The following PTPRR variants were observed in gnomAD, a reference collection of about 807,000 sequenced individuals.
PTPRR encodes receptor-type tyrosine-protein phosphatase R.
A neutral mutation model predicts 77.2 loss-of-function variants in PTPRR; 38 were observed. The observed-to-expected ratio is 0.49, with a 90% CI of 0.38 to 0.65. The LOEUF is 0.65. Among genes scored for constraint, PTPRR ranks in the 30% least tolerant of loss-of-function variants. The pLI is 0.00. For synonymous variants in PTPRR, 299 were observed against 283.1 expected, an observed-to-expected ratio of 1.06 and a Z score of -0.57; for missense variants, 744 against 799.2, an observed-to-expected ratio of 0.93 and a Z score of 0.83.
chr12:70,826,222 G>C (rs886739962), intron 2 of PTPRR, among the ~76,000 whole-genome samples: 1 of 152,100 alleles, frequency 6.6e-6, no homozygotes, highest in Non-Finnish European at 1.5e-5. Context: ...CTGAAATTTT[G>C]TTAACACCTT....
intron 1 of PTPRR, among the ~76,000 whole-genome samples, chr12:70,899,999 A>G (rs1194443384): frequency 6.6e-6 from 1 of 151,546 alleles, no homozygotes; most frequent in African/African-American, 2.4e-5. Flanking sequence ...TATACTGAAA[A>G]CTATAAAATG....
chr12:70,823,336 G>T (rs1249898240), intron 2 of PTPRR, among the ~76,000 whole-genome samples: 1 of 152,144 alleles, frequency 6.6e-6, no homozygotes, highest in Admixed American at 6.5e-5. Flanking sequence ...AGAAATATCT[G>T]CTCTGTAGAA....
In PTPRR at chr12:70,643,631, G is replaced by A. The variant is rs912441685; in HGVS notation, c.1881-4354C>T. ...GCTCTATAGTTATTCATCCTCAGGA[G>A]AGCTCTGACTTGACTCCAGGAAGCT... On this transcript the variant is annotated intron_variant, in intron 13 of 13. Coordinates refer to ENST00000283228, the MANE Select transcript of PTPRR (RefSeq NM_002849.4). 2.0e-5 allele frequency among the ~76,000 whole-genome samples: 3 copies of A among 152,154 alleles called. No individual in the cohort carries two copies. The East Asian group carries it at 5.8e-4, about 29-fold the overall frequency.
In PTPRR at chr12:70,868,166, T is replaced by C. The variant is rs542029691; in HGVS notation, c.357+24513A>G. Among the ~76,000 whole-genome samples, 180 of 151,864 alleles carry C rather than the reference T, an allele frequency of 1.2e-3. 3 individuals carry two copies. The South Asian group carries it at 0.023, about 19-fold the overall frequency. On this transcript the variant is annotated intron_variant, in intron 2 of 13. Coordinates refer to ENST00000283228, the MANE Select transcript of PTPRR (RefSeq NM_002849.4). Reference sequence around the variant, plus strand: ...TCCAAAACACAAAAAGCAATGGCAATAAAAGACAAAATTGACAAATGGGAT... The same window carrying C: ...TCCAAAACACAAAAAGCAATGGCAACAAAAGACAAAATTGACAAATGGGAT...
intron 1 of PTPRR, among the ~76,000 whole-genome samples, chr12:70,917,107 T>A (rs1860681911): frequency 6.6e-6 from 1 of 152,166 alleles, no homozygotes; most frequent in African/African-American, 2.4e-5. Context: ...AGAGGAGAAA[T>A]GCTGAAGAAA....
chr12:70,687,266 A>G (rs1887902458), intron 8 of PTPRR, among the ~76,000 whole-genome samples: 1 of 151,422 alleles, frequency 6.6e-6, no homozygotes, highest in Admixed American at 6.6e-5. Context: ...TTGAAAATAT[A>G]TAGTAAAATT....
At chr12:70,779,003 A>C (rs751350882) in intron 2 of PTPRR, among the ~76,000 whole-genome samples, 5 of 151,568 alleles carry the variant, frequency 3.3e-5, no homozygotes, top group Non-Finnish European at 7.4e-5. Context: ...GCACCACCAC[A>C]CCCAGCTAAT....
intron 13 of PTPRR, among the ~76,000 whole-genome samples, chr12:70,654,998 C>T (rs1886525078): frequency 6.6e-6 from 1 of 152,214 alleles, no homozygotes; most frequent in Admixed American, 6.5e-5. Flanking sequence ...GAGACGCCTG[C>T]TGCTCATCAT....
At position 70,900,625 on chromosome 12, in the gene PTPRR, A is replaced by G. The variant is rs577062814; in HGVS notation, c.59-7648T>C. On this transcript the variant is annotated intron_variant, in intron 1 of 13. Transcript: ENST00000283228. Reference sequence around the variant, plus strand: ...GGGAGAAAATATTTGCAAACCACACATCTGATAAGGAGTTAATATCAAAAA... The same window carrying G: ...GGGAGAAAATATTTGCAAACCACACGTCTGATAAGGAGTTAATATCAAAAA... Among the ~76,000 whole-genome samples the G allele has an allele frequency of 5.3e-5, 8 of 151,778 alleles. No individual in the cohort carries two copies. The East Asian group carries it at 1.2e-3, about 22-fold the overall frequency.
chr12:70,765,890 AC>A (rs1193878904), intron 2 of PTPRR, among the ~76,000 whole-genome samples: 2 of 152,210 alleles, frequency 1.3e-5, no homozygotes, highest in East Asian at 3.9e-4. Flanking sequence ...CGCTGCTATT[AC>A]CCAAGAAAAC....
intron 4 of PTPRR, 51 bp from the exon 5 acceptor site, chr12:70,754,352 T>G (rs1446248864): frequency 6.2e-7 from 1 of 1,606,840 alleles, no homozygotes; most frequent in Non-Finnish European, 8.5e-7. Flanking sequence ...TTGAGAAAAC[T>G]GGCGTTCTTA....
intron 2 of PTPRR, among the ~76,000 whole-genome samples, chr12:70,791,914 G>T (rs567919604): frequency 6.6e-6 from 1 of 152,130 alleles, no homozygotes; most frequent in Non-Finnish European, 1.5e-5. Context: ...GAATGCAGTG[G>T]CTATTTTTGA....
At chr12:70,890,337 A>G (rs182174000) in intron 2 of PTPRR, among the ~76,000 whole-genome samples, 5 of 152,272 alleles carry the variant, frequency 3.3e-5, no homozygotes, top group African/African-American at 9.6e-5. Flanking sequence ...GATTACTAAT[A>G]AAAAGAAGAA....
intron 2 of PTPRR, among the ~76,000 whole-genome samples, chr12:70,802,928 A>G (rs1482310590): frequency 2.0e-5 from 3 of 152,234 alleles, no homozygotes; most frequent in East Asian, 3.8e-4. Flanking sequence ...TTTGGTCTAC[A>G]TATGTCAAAT....
At chr12:70,735,679 C>T (rs1333234686) in intron 6 of PTPRR, among the ~76,000 whole-genome samples, 3 of 152,184 alleles carry the variant, frequency 2.0e-5, no homozygotes, top group Non-Finnish European at 4.4e-5. Context: ...AGCAGGTTGT[C>T]AAGATTGTAT....
intron 1 of PTPRR, chr12:70,906,842 ATAAT>A (rs1159299503): frequency 1.3e-5 from 2 of 152,298 alleles, no homozygotes; most frequent in African/African-American, 4.8e-5. Flanking sequence ...CGAGATGACA[ATAAT>A]TAAATTTGCC....
chr12:70,672,795 C>T lies in PTPRR; in HGVS notation c.1498-10190G>A, dbSNP rs927320386. 1.0e-5 allele frequency: 16 copies of T among 1,563,466 alleles called. No individual in the cohort carries two copies. In the African/African-American group the frequency reaches 2.0e-4, roughly 20 times the overall value. On this transcript the variant is annotated intron_variant, in intron 10 of 13. Coordinates refer to ENST00000283228, the MANE Select transcript of PTPRR (RefSeq NM_002849.4). Reference sequence around the variant, plus strand: ...TATTCAGGAAACCTTCTGTCTTTCTCAAGAAGGGAGATGAAGTCCAGTGTG... The same window carrying T: ...TATTCAGGAAACCTTCTGTCTTTCTTAAGAAGGGAGATGAAGTCCAGTGTG...
intron 3 of PTPRR, 97 bp downstream of exon 3, chr12:70,764,568 G>T: frequency 1.0e-6 from 1 of 956,018 alleles, no homozygotes; most frequent in Non-Finnish European, 1.7e-6. Flanking sequence ...GCCGGATTTG[G>T]CTCATTAGCC....
intron 6 of PTPRR, among the ~76,000 whole-genome samples, chr12:70,717,987 G>T (rs1889096754): frequency 1.3e-5 from 2 of 151,990 alleles, no homozygotes; most frequent in African/African-American, 2.4e-5. Context: ...ATTGATTTCT[G>T]GCATGAATAG....
Sources: gnomAD v4.1 joint callset for allele counts (sites outside exome capture counted in the v4.1 genomes callset) on GRCh38, gnomAD v4.1.1 for gene constraint, MANE v1.5 for transcripts, NCBI Gene and HGNC (gene_info 2026-07-23, HGNC 2026-07-21) for gene names.